The following CEP112 variants were observed in gnomAD, a reference collection of about 807,000 sequenced individuals.
The protein encoded by CEP112 is centrosomal protein 112.
In CEP112, 127 loss-of-function variants were observed where a neutral mutation model predicts 153.0. The ratio of observed to expected loss-of-function variants is 0.83; its 90% CI spans 0.72 to 0.96. The LOEUF (loss-of-function observed/expected upper bound fraction) is 0.96, where lower values mean the gene tolerates loss of function less well. Among genes scored for constraint, CEP112 ranks in the 40% least tolerant of loss-of-function variants. The pLI is 0.00. For synonymous variants in CEP112, 358 were observed against 374.4 expected, an observed-to-expected ratio of 0.96 and a Z score of 0.51; for missense variants, 1,089 against 1,101.2, an observed-to-expected ratio of 0.99 and a Z score of 0.16.
At chr17:66,109,769 T>C (rs936047365) in intron 6 of CEP112, among the ~76,000 whole-genome samples, 2 of 152,144 alleles carry the variant, frequency 1.3e-5, no homozygotes, top group African/African-American at 4.8e-5. Context: ...AAACTTATAA[T>C]GACCTTACAA....
chr17:65,664,390 G>T (rs1297349050), intron 24 of CEP112, among the ~76,000 whole-genome samples: 1 of 152,190 alleles, frequency 6.6e-6, no homozygotes, highest in South Asian at 2.1e-4. Context: ...AGTTTTAAGA[G>T]AACTTAAAAG....
chr17:65,670,072 A>C (rs1229338421), intron 24 of CEP112, among the ~76,000 whole-genome samples: 1 of 152,100 alleles, frequency 6.6e-6, no homozygotes, highest in African/African-American at 2.4e-5. Context: ...GTAGGTGCTG[A>C]ATAAATGTTT....
intron 6 of CEP112, among the ~76,000 whole-genome samples, chr17:66,129,285 C>T (rs2070013979): frequency 6.6e-6 from 1 of 152,102 alleles, no homozygotes; most frequent in African/African-American, 2.4e-5. Context: ...CTCCAATTCC[C>T]ACCTCTCTAC....
In CEP112 at chr17:66,146,678, G is replaced by T. The variant is rs186939618; in HGVS notation, c.471-13915C>A. Among the ~76,000 whole-genome samples, 140 of 152,026 alleles carry T rather than the reference G, an allele frequency of 9.2e-4. 1 individual carries two copies. Among genetic ancestry groups the T allele is most frequent in the African/African-American group, 3.2e-3 (134 of 41,498 alleles). On this transcript the variant is annotated intron_variant, in intron 4 of 26. Coordinates refer to ENST00000535342, the MANE Select transcript of CEP112 (RefSeq NM_001199165.4). Reference sequence around the variant, plus strand: ...ATTAAACAATAACTCCCTATTCCCTGCTTCCCACTGCCCCTATAACCACCA... The same window carrying T: ...ATTAAACAATAACTCCCTATTCCCTTCTTCCCACTGCCCCTATAACCACCA...
At chr17:66,120,903 C>G (rs1024812496) in intron 6 of CEP112, among the ~76,000 whole-genome samples, 1 of 152,052 alleles carries the variant, frequency 6.6e-6, no homozygotes, top group Non-Finnish European at 1.5e-5. Flanking sequence ...TTGGGTTTAA[C>G]TTGTTCTTTC....
chr17:65,743,831 G>T (rs979846755), intron 22 of CEP112, among the ~76,000 whole-genome samples: 6 of 151,462 alleles, frequency 4.0e-5, no homozygotes, highest in African/African-American at 1.5e-4. Context: ...GCGTGATCTT[G>T]GCTCACTGAG....
intron 1 of CEP112, among the ~76,000 whole-genome samples, chr17:66,186,645 T>C (rs577181940): frequency 6.6e-6 from 1 of 152,282 alleles, no homozygotes; most frequent in Non-Finnish European, 1.5e-5. Flanking sequence ...CCTTTCTACT[T>C]GGCAAGGCTG....
chr17:66,049,116 T>C (rs1343362216), intron 12 of CEP112, among the ~76,000 whole-genome samples: 1 of 152,180 alleles, frequency 6.6e-6, no homozygotes, highest in East Asian at 1.9e-4. Flanking sequence ...AGTTCAACAG[T>C]GGTCCTGTGG....
At chr17:65,993,007 A>G (rs892997466) in intron 17 of CEP112, among the ~76,000 whole-genome samples, 2 of 152,176 alleles carry the variant, frequency 1.3e-5, no homozygotes, top group African/African-American at 4.8e-5. Context: ...AATGTGTGCC[A>G]TGGTGATTTG....
intron 25 of CEP112, among the ~76,000 whole-genome samples, chr17:65,639,793 C>T (rs2045000332): frequency 6.6e-6 from 1 of 150,446 alleles, no homozygotes; most frequent in South Asian, 2.1e-4. Context: ...GTTTTTCTCA[C>T]ATCGTGAACC....
chr17:65,705,502 C>T (rs934285154), intron 23 of CEP112, among the ~76,000 whole-genome samples: 1 of 152,072 alleles, frequency 6.6e-6, no homozygotes, highest in Non-Finnish European at 1.5e-5. Flanking sequence ...CTTACATTAT[C>T]ATAGAAAGTA....
At chr17:65,887,664 T>C (rs1334004480) in intron 20 of CEP112, among the ~76,000 whole-genome samples, 2 of 152,112 alleles carry the variant, frequency 1.3e-5, no homozygotes, top group Non-Finnish European at 2.9e-5. Flanking sequence ...AGAGATAATA[T>C]TCTCACGCAA....
intron 20 of CEP112, among the ~76,000 whole-genome samples, chr17:65,869,007 T>G (rs1181365924): frequency 6.6e-6 from 1 of 152,150 alleles, no homozygotes; most frequent in African/African-American, 2.4e-5. Flanking sequence ...CTGGTAACAG[T>G]AGAAAAGAGA....
chr17:66,151,091 T>C (rs1201217138), intron 4 of CEP112, among the ~76,000 whole-genome samples: 3 of 151,618 alleles, frequency 2.0e-5, no homozygotes, highest in Non-Finnish European at 4.4e-5. Context: ...ATTTAAAGTA[T>C]GTCTCTTATA....
intron 21 of CEP112, among the ~76,000 whole-genome samples, chr17:65,787,408 A>T (rs2145691814): frequency 6.6e-6 from 1 of 152,306 alleles, no homozygotes; most frequent in South Asian, 2.1e-4. Context: ...ACTTAAGCCC[A>T]GGAGTTCAAG....
chr17:65,751,930 G>A (rs542797815), intron 21 of CEP112, among the ~76,000 whole-genome samples: 37 of 152,062 alleles, frequency 2.4e-4, no homozygotes, highest in South Asian at 1.7e-3. Flanking sequence ...AGAGCACTGC[G>A]TCATGCCTTG....
chr17:65,898,924 CT>C (rs1203993410), intron 20 of CEP112, among the ~76,000 whole-genome samples: 2 of 152,132 alleles, frequency 1.3e-5, no homozygotes, highest in Non-Finnish European at 2.9e-5. Flanking sequence ...ATCAAGCAAT[CT>C]CTAAATGGTT....
At chr17:66,068,675 T>C (rs1346916100) in intron 9 of CEP112, among the ~76,000 whole-genome samples, 1 of 152,154 alleles carries the variant, frequency 6.6e-6, no homozygotes, top group Non-Finnish European at 1.5e-5. Flanking sequence ...TTTCAGGATT[T>C]ATTTTAAAGA....
chr17:66,048,757 G>A (rs1488138189), intron 12 of CEP112, among the ~76,000 whole-genome samples: 3 of 151,962 alleles, frequency 2.0e-5, no homozygotes, highest in South Asian at 2.1e-4. Flanking sequence ...TTACAGGTAC[G>A]CATCACCAAG....
Sources: allele counts gnomAD v4.1 joint callset (sites outside exome capture counted in the v4.1 genomes callset), GRCh38; gene constraint gnomAD v4.1.1; transcripts MANE v1.5; gene names NCBI Gene and HGNC (gene_info 2026-07-23, HGNC 2026-07-21).